The following GMPS variants were observed in gnomAD, a reference collection of about 807,000 sequenced individuals.
The protein encoded by GMPS is GMP synthase [glutamine-hydrolyzing].
A neutral mutation model predicts 77.9 loss-of-function variants in GMPS; 15 were observed. The observed-to-expected ratio is 0.19, with a 90% confidence interval of 0.13 to 0.30. The LOEUF (loss-of-function observed/expected upper bound fraction) is 0.30, where lower values mean the gene tolerates loss of function less well. GMPS is among the 10% of genes least tolerant of loss of function. The pLI is 1.00. For synonymous variants in GMPS, 224 were observed against 275.9 expected (o/e 0.81, Z 1.86); for missense variants, 590 against 838.8 (o/e 0.70, Z 3.66).
At chr3:155,909,970 C>T (rs978070058) in intron 5 of GMPS, among the ~76,000 whole-genome samples, 4 of 147,308 alleles carry the variant, frequency 2.7e-5, no homozygotes, top group Admixed American at 6.8e-5. Flanking sequence ...ATAGGCCGGG[C>T]GCAGTGGCTC....
chr3:155,935,515 T>G (rs923920622), intron 14 of GMPS, among the ~76,000 whole-genome samples: 2 of 152,190 alleles, frequency 1.3e-5, no homozygotes, highest in Non-Finnish European at 2.9e-5. Context: ...ATGTTGCTTC[T>G]AAATAAAATA....
chr3:155,903,875 G>A lies in GMPS; in HGVS notation c.337G>A (p.Val113Ile). 1 of 1,496,206 alleles carries A rather than the reference G, an allele frequency of 6.7e-7. No individual in the cohort carries two copies. Among genetic ancestry groups the A allele is most frequent in the Non-Finnish European group, 9.1e-7 (1 of 1,094,246 alleles). 92.7% of individuals were successfully genotyped at this position (1,496,206 alleles called of 1,614,324 possible). Residue 113 changes from valine to isoleucine, a missense_variant, in exon 4 of 16, where the codon GTA becomes ATA. Around this residue, in one of 6 missense-constraint regions of GMPS, gnomAD observed 136 missense variants for 225.6 expected, o/e 0.60. Transcript: ENST00000496455. Reference protein sequence around the residue: ...ICYGMQMMNKVFGGTVHKKSV... With the variant: ...ICYGMQMMNKIFGGTVHKKSV... Reference sequence around the variant, plus strand: ...TTTCTTTGAACAGATGATGAATAAGGTATTTGGAGGTACTGTGCACAAAAA... The same window carrying A: ...TTTCTTTGAACAGATGATGAATAAGATATTTGGAGGTACTGTGCACAAAAA...
intron 1 of GMPS, 68 bp from the exon 2 acceptor site, chr3:155,893,450 A>ATT: frequency 1.9e-6 from 2 of 1,034,104 alleles, no homozygotes; most frequent in South Asian, 1.9e-5. Context: ...GTGATCATTA[A>ATT]TTTTTTTTTA....
Position 155,940,740 on chromosome 3 carries a change from GTTTTT to G in GMPS, c.*3062_*3066del. ...AGACAGAATGGAGAAGCTGGATAGT[GTTTTT>G]TTTTTTTTTTTTTAAGGTTCTTTTA... On this transcript the variant is annotated 3_prime_UTR_variant, in exon 16 of 16. Coordinates refer to ENST00000496455, the MANE Select transcript of GMPS (RefSeq NM_003875.3). The G allele has an allele frequency of 4.0e-5, 7 of 174,986 alleles. No homozygotes were observed. Among genetic ancestry groups the G allele is most frequent in the East Asian group, 8.9e-5 (1 of 11,290 alleles). The allele number at this position is 174,986 out of a possible 1,614,324, so 10.8% of individuals were successfully genotyped here. A position where few individuals can be genotyped will look rare whatever the true frequency, so the allele number is the denominator to read the frequency against.
chr3:155,873,451 C>A (rs2108041823), intron 1 of GMPS, among the ~76,000 whole-genome samples: 2 of 151,720 alleles, frequency 1.3e-5, no homozygotes, highest in South Asian at 4.2e-4. Context: ...TTTGTAGAGA[C>A]AGTTCTCGCT....
intron 9 of GMPS, 40 bp from the exon 10 acceptor site, chr3:155,919,193 G>A: frequency 1.2e-6 from 1 of 832,352 alleles, no homozygotes; most frequent in African/African-American, 1.7e-5. Flanking sequence ...TGTCATCTTG[G>A]TTACTAGTTT....
In GMPS at chr3:155,940,438, A is replaced by G; in HGVS notation, c.*2746A>G. On this transcript the variant is annotated 3_prime_UTR_variant, in exon 16 of 16. Transcript: ENST00000496455. ...AGGTAAACTGCATGCATTTAGTCAA[A>G]CAAGCATCATAAAATTTGTTTCCTC... The G allele has an allele frequency of 4.8e-6, 1 of 208,344 alleles. No individual in the cohort carries two copies. The highest frequency in any genetic ancestry group is 7.3e-5 in the East Asian group (1 of 13,622). 12.9% of individuals were successfully genotyped at this position (208,344 alleles called of 1,614,324 possible).
chr3:155,912,042 A>G (rs1755053059), intron 7 of GMPS, among the ~76,000 whole-genome samples: 2 of 152,244 alleles, frequency 1.3e-5, no homozygotes, highest in East Asian at 1.9e-4. Flanking sequence ...TTACTTTTGT[A>G]GATACCTTTT....
intron 8 of GMPS, 118 bp downstream of exon 8, chr3:155,914,688 G>A: frequency 1.7e-6 from 1 of 575,586 alleles, no homozygotes; most frequent in South Asian, 3.1e-5. Flanking sequence ...TTTTTCTTAT[G>A]TGGCTGAGAG....
intron 1 of GMPS, among the ~76,000 whole-genome samples, chr3:155,883,642 C>T (rs1754261480): frequency 6.6e-6 from 1 of 152,088 alleles, no homozygotes; most frequent in Non-Finnish European, 1.5e-5. Flanking sequence ...CGCTTCTTTG[C>T]AAGATGCCTT....
At chr3:155,925,040 A>G (rs946956204) in intron 11 of GMPS, among the ~76,000 whole-genome samples, 1 of 152,226 alleles carries the variant, frequency 6.6e-6, no homozygotes, top group African/African-American at 2.4e-5. Context: ...TATAATCTGC[A>G]TTTCTTATCC....
intron 7 of GMPS, among the ~76,000 whole-genome samples, chr3:155,913,592 G>A (rs1033117209): frequency 6.6e-6 from 1 of 151,718 alleles, no homozygotes; most frequent in Non-Finnish European, 1.5e-5. Context: ...CACAACCTCG[G>A]CTCACTGCAA....
chr3:155,922,953 C>G (rs1261612296), intron 11 of GMPS, among the ~76,000 whole-genome samples: 1 of 152,132 alleles, frequency 6.6e-6, no homozygotes, highest in South Asian at 2.1e-4. Context: ...AGAATATCTT[C>G]ACCTAGGTCC....
At chr3:155,892,692 C>T (rs1754501108) in intron 1 of GMPS, among the ~76,000 whole-genome samples, 1 of 152,210 alleles carries the variant, frequency 6.6e-6, no homozygotes. Context: ...AGTGCAATGG[C>T]ATGATATCAG....
At position 155,931,854 on chromosome 3, in the gene GMPS, A is replaced by G. The variant is rs190602670; in HGVS notation, c.1650A>G (p.Ile550Met). 1.3e-5 allele frequency: 21 copies of G among 1,567,654 alleles called. No individual in the cohort carries two copies. The highest frequency in any genetic ancestry group is 1.7e-4 in the Middle Eastern group (1 of 5,952). ...CACTTATTTTTCTGGCTAGGCTTAT[A>G]CCTCGCATGTGTCACAACGTTAACA... ...WESLIFLARL[I>M]PRMCHNVNRV... The change falls in exon 13 of 16, where the codon ATA (isoleucine) becomes ATG (methionine). Residue 550 changes from isoleucine (I) to methionine (M), a missense_variant. Coordinates refer to ENST00000496455, the MANE Select transcript of GMPS (RefSeq NM_003875.3).
intron 1 of GMPS, 83 bp downstream of exon 1, chr3:155,870,980 C>T (rs1325419685): frequency 1.6e-6 from 2 of 1,258,748 alleles, no homozygotes; most frequent in Admixed American, 3.7e-5. Context: ...AGGCCCTTCC[C>T]CACCCCCTTC....
Position 155,940,058 on chromosome 3 carries a change from G to A in GMPS, c.*2366G>A, listed in dbSNP as rs1560057226. The A allele has an allele frequency of 4.8e-6, 1 of 209,322 alleles. No homozygotes were observed. Among genetic ancestry groups the A allele is most frequent in the East Asian group, 7.3e-5 (1 of 13,790 alleles). The allele number at this position is 209,322 out of a possible 1,614,324, so 13.0% of individuals were successfully genotyped here. A position where few individuals can be genotyped will look rare whatever the true frequency, so the allele number is the denominator to read the frequency against. On this transcript the variant is annotated 3_prime_UTR_variant, in exon 16 of 16. Transcript: ENST00000496455. ...TTATTTTACTAAGACTAGAATGGTG[G>A]CTACCTGGCTAATAACATTCATCAT...
intron 5 of GMPS, among the ~76,000 whole-genome samples, chr3:155,908,051 G>T (rs1754936080): frequency 6.6e-6 from 1 of 152,206 alleles, no homozygotes; most frequent in African/African-American, 2.4e-5. Flanking sequence ...TTAAGTGAAG[G>T]AGAGATGTGA....
At position 155,870,747 on chromosome 3, in the gene GMPS, G is replaced by A; in HGVS notation, c.-124G>A. 3.1e-6 allele frequency: 2 copies of A among 645,762 alleles called. No homozygotes were observed. Among genetic ancestry groups the A allele is most frequent in the Admixed American group, 2.8e-5 (1 of 35,210 alleles). 40.0% of individuals were successfully genotyped at this position (645,762 alleles called of 1,614,324 possible). ...CTTTTCTGGCGGCTGGCTCCTCTCC[G>A]CTGCCGGCTGCTCCTCGACCAGGCC... is the stretch of plus-strand genomic sequence containing the variant. On this transcript the variant is annotated 5_prime_UTR_variant, in exon 1 of 16. Coordinates refer to ENST00000496455, the MANE Select transcript of GMPS (RefSeq NM_003875.3).
Sources: allele counts gnomAD v4.1 joint callset (sites outside exome capture counted in the v4.1 genomes callset), GRCh38; gene constraint gnomAD v4.1.1; regional missense constraint gnomAD v4.1.1; transcripts MANE v1.5; gene names NCBI Gene and HGNC (gene_info 2026-07-23, HGNC 2026-07-21).